The following ATP6V1E1 variants were observed in gnomAD, a reference collection of about 807,000 sequenced individuals.
ATP6V1E1 encodes ATPase H+ transporting V1 subunit E1, also known as V-type proton ATPase subunit E 1.
In ATP6V1E1, 21 loss-of-function variants were observed where a neutral mutation model predicts 35.2. The ratio of observed to expected loss-of-function variants is 0.60; its 90% CI spans 0.42 to 0.86. The LOEUF (loss-of-function observed/expected upper bound fraction) is 0.86. Among genes scored for constraint, ATP6V1E1 ranks in the 40% least tolerant of loss-of-function variants. The probability of loss-of-function intolerance (pLI) is 0.00; values close to 1 mark genes in which losing one functional copy is unlikely to be tolerated. For synonymous variants in ATP6V1E1, 83 were observed against 87.8 expected (o/e 0.95, Z 0.30); for missense variants, 183 against 272.6 (o/e 0.67, Z 2.32).
chr22:17,592,437 C>G lies in ATP6V1E1; in HGVS notation c.*237G>C. Reference sequence around the variant, plus strand: ...CCCTCCCCTAGTGCTGCAGAACCGGCTGGACACTGTCACACTTTCAGAAGA... The same window carrying G: ...CCCTCCCCTAGTGCTGCAGAACCGGGTGGACACTGTCACACTTTCAGAAGA... On this transcript the variant is annotated 3_prime_UTR_variant, in exon 9 of 9. Coordinates refer to ENST00000253413, the MANE Select transcript of ATP6V1E1 (RefSeq NM_001696.4). 1.9e-6 allele frequency: 1 copy of G among 524,330 alleles called. No individual in the cohort carries two copies. The highest frequency in any genetic ancestry group is 2.2e-5 in the South Asian group (1 of 45,154). The allele number at this position is 524,330 out of a possible 1,614,324, so 32.5% of individuals were successfully genotyped here.
rs1045424055 is a variant in ATP6V1E1 at position 17,599,666 on chromosome 22, T to TC, written c.435+360dup. ...CAGGCGCGGTGGCTCATGCCTGTAA[T>TC]CCCAGCACTTTGGGAGGACGAGGCG... On this transcript the variant is annotated intron_variant, in intron 6 of 8. Coordinates refer to ENST00000253413, the MANE Select transcript of ATP6V1E1 (RefSeq NM_001696.4). 2.0e-5 allele frequency among the ~76,000 whole-genome samples: 3 copies of TC among 146,584 alleles called. No individual in the cohort carries two copies. The Admixed American group carries it at 2.1e-4, about 10-fold the overall frequency.
At chr22:17,603,737 G>C (rs947030593) in intron 4 of ATP6V1E1, among the ~76,000 whole-genome samples, 47 of 152,084 alleles carry the variant, frequency 3.1e-4, no homozygotes, top group African/African-American at 1.0e-3. Flanking sequence ...CAAAAAATCT[G>C]AAATCCAAAA....
chr22:17,602,380 C>CTTT (rs35255555), intron 4 of ATP6V1E1, among the ~76,000 whole-genome samples: 7 of 147,272 alleles, frequency 4.8e-5, no homozygotes, highest in African/African-American at 1.0e-4. Context: ...AAACTCAAGG[C>CTTT]TTTTTTTTTT....
rs1238059354 is a variant in ATP6V1E1, at chr22:17,601,076, TGGTCTATGAG to T, written c.366+6_366+15del. The T allele has an allele frequency of 1.2e-6, 2 of 1,604,880 alleles. No homozygotes were observed. The highest frequency in any genetic ancestry group is 2.7e-5 in the African/African-American group (2 of 74,702). ...GAACTGTGGCTATCAACAGTAGATCTGGTCTATGAGGGTACCTGGAGAACCAGTCCATCCA... is the reference window on the plus strand; with the variant it reads ...GAACTGTGGCTATCAACAGTAGATCTGGTACCTGGAGAACCAGTCCATCCA... On this transcript the variant is annotated splice_donor_region_variant and intron_variant, in intron 5 of 8. Coordinates refer to ENST00000253413, the MANE Select transcript of ATP6V1E1 (RefSeq NM_001696.4).
intron 1 of ATP6V1E1, 60 bp from the exon 2 acceptor site, chr22:17,619,586 C>A (rs778443483): frequency 2.2e-6 from 3 of 1,386,680 alleles, no homozygotes; most frequent in Non-Finnish European, 3.0e-6. Flanking sequence ...TTTTCTGATT[C>A]ATTGAACAAG....
intron 1 of ATP6V1E1, among the ~76,000 whole-genome samples, chr22:17,626,405 T>C (rs2057905943): frequency 1.3e-5 from 2 of 152,066 alleles, no homozygotes; most frequent in Non-Finnish European, 2.9e-5. Flanking sequence ...CAGGGTCTTT[T>C]GCTCTCTCAC....
At chr22:17,606,977 T>G (rs2057790048) in intron 4 of ATP6V1E1, among the ~76,000 whole-genome samples, 1 of 152,150 alleles carries the variant, frequency 6.6e-6, no homozygotes, top group Non-Finnish European at 1.5e-5. Flanking sequence ...CTTCTCAGTT[T>G]TTTTGGCCCG....
At position 17,609,050 on chromosome 22, in the gene ATP6V1E1, G is replaced by A. The variant is rs1435424724; in HGVS notation, c.276+3762C>T. ...TGCAGTGAGCTGATATCGCGCCACT[G>A]CCACTGCACTCCAGCCTGGGCGATA... On this transcript the variant is annotated intron_variant, in intron 4 of 8. Transcript: ENST00000253413. Among the ~76,000 whole-genome samples the A allele has an allele frequency of 5.9e-5, 9 of 152,136 alleles. No individual in the cohort carries two copies. In the East Asian group the frequency reaches 1.8e-3, roughly 30 times the overall value.
intron 6 of ATP6V1E1, among the ~76,000 whole-genome samples, chr22:17,598,884 T>C (rs533979067): frequency 1.7e-3 from 252 of 152,294 alleles, no homozygotes; most frequent in African/African-American, 5.9e-3. Flanking sequence ...GCAGCAGCAT[T>C]ATTCACAACA....
intron 1 of ATP6V1E1, among the ~76,000 whole-genome samples, chr22:17,624,327 G>A (rs916602912): frequency 3.3e-5 from 5 of 152,120 alleles, no homozygotes; most frequent in Non-Finnish European, 4.4e-5. Context: ...AGGCTGAGGC[G>A]GGCAGATCAC....
chr22:17,606,643 A>G (rs1313287224), intron 4 of ATP6V1E1, among the ~76,000 whole-genome samples: 2 of 152,226 alleles, frequency 1.3e-5, no homozygotes, highest in Non-Finnish European at 2.9e-5. Context: ...AAAAGAGATT[A>G]AAACACACAG....
intron 2 of ATP6V1E1, among the ~76,000 whole-genome samples, chr22:17,618,681 C>CAAAAAAAAAAA (rs796136446): frequency 2.8e-4 from 20 of 72,350 alleles, no homozygotes; most frequent in Non-Finnish European, 3.9e-4. Context: ...GACTCCATCT[C>CAAAAAAAAAAA]AAAAAAAAAA....
intron 7 of ATP6V1E1, among the ~76,000 whole-genome samples, chr22:17,596,345 T>C (rs2057732140): frequency 6.6e-6 from 1 of 152,126 alleles, no homozygotes; most frequent in African/African-American, 2.4e-5. Context: ...GGCAATGAAC[T>C]GTGGCGAGGG....
chr22:17,626,744 G>A (rs906029056), intron 1 of ATP6V1E1, among the ~76,000 whole-genome samples: 2 of 152,140 alleles, frequency 1.3e-5, no homozygotes, highest in African/African-American at 4.8e-5. Context: ...TGGCCAGGCT[G>A]GTCTGGAACT....
At chr22:17,616,099 G>A (rs2057843163) in intron 2 of ATP6V1E1, among the ~76,000 whole-genome samples, 1 of 151,146 alleles carries the variant, frequency 6.6e-6, no homozygotes, top group African/African-American at 2.4e-5. Flanking sequence ...TGTAATCCCA[G>A]CACTTTGGGA....
In ATP6V1E1 at chr22:17,601,170, A is replaced by G. The variant is rs1275464192; in HGVS notation, c.288T>C (p.Asn96=). 7 of 1,613,300 alleles carry G rather than the reference A, an allele frequency of 4.3e-6. No homozygotes were observed. Among genetic ancestry groups the G allele is most frequent in the Non-Finnish European group, 4.2e-6 (5 of 1,179,500 alleles). Residue 96 remains asparagine, a synonymous_variant, in exon 5 of 9, where the codon AAT becomes AAC. Transcript: ENST00000253413. ...CCTTGCTGAGTCTCTGTTTTGCTTCATTTAGTAGGTCCTACAAAGATTAGA... is the reference window on the plus strand; with the variant it reads ...CCTTGCTGAGTCTCTGTTTTGCTTCGTTTAGTAGGTCCTACAAAGATTAGA... The part of the protein sequence containing the change: ...ARDDLITDLL[N]EAKQRLSKVV...
At chr22:17,610,200 AT>A (rs1254566061) in intron 4 of ATP6V1E1, among the ~76,000 whole-genome samples, 38 of 152,358 alleles carry the variant, frequency 2.5e-4, no homozygotes, top group African/African-American at 9.1e-4. Flanking sequence ...TTACAGAAGT[AT>A]ATCTAATGAA....
At chr22:17,609,256 G>A (rs1356632419) in intron 4 of ATP6V1E1, among the ~76,000 whole-genome samples, 3 of 151,224 alleles carry the variant, frequency 2.0e-5, no homozygotes, top group African/African-American at 7.3e-5. Context: ...CGCCTCCCGG[G>A]TTCAAGCAAT....
chr22:17,609,503 C>G, intron 4 of ATP6V1E1, among the ~76,000 whole-genome samples: 1 of 122,648 alleles, frequency 8.2e-6, no homozygotes, highest in Non-Finnish European at 1.6e-5. Flanking sequence ...GAGTCTGGCT[C>G]TGTCACCCAG....
Sources: allele counts gnomAD v4.1 joint callset (sites outside exome capture counted in the v4.1 genomes callset), GRCh38; gene constraint gnomAD v4.1.1; transcripts MANE v1.5; gene names NCBI Gene and HGNC (gene_info 2026-07-23, HGNC 2026-07-21).